CNTN4: variants seen among roughly 807,000 people sequenced by gnomAD.
The protein encoded by CNTN4 is contactin-4.
In CNTN4, 77 loss-of-function variants were observed where a neutral mutation model predicts 122.5. That is an observed-to-expected ratio of 0.63 (90% CI 0.52 to 0.76). The LOEUF (loss-of-function observed/expected upper bound fraction) is 0.76, where lower values mean the gene tolerates loss of function less well. CNTN4 is among the 30% of genes least tolerant of loss of function. CNTN4 has a pLI of 0.00. For synonymous variants in CNTN4, 512 were observed against 447.0 expected (o/e 1.15, Z -1.83); for missense variants, 1,256 against 1,259.1 (o/e 1.00, Z 0.04).
Position 2,952,048 on chromosome 3 carries a change from A to G in CNTN4, c.1358+26269A>G, listed in dbSNP as rs114556723. Among the ~76,000 whole-genome samples, 495 of 152,348 alleles carry G rather than the reference A, an allele frequency of 3.2e-3. 6 individuals are homozygous for G. The highest frequency in any genetic ancestry group is 0.011 in the African/African-American group (466 of 41,582). ...TCAGTAAACACAGAGAGGCCATTCT[A>G]CTACCCCTGGCCTGAGGCCCCAAAT... On this transcript the variant is annotated intron_variant, in intron 13 of 24. Coordinates refer to ENST00000418658, the MANE Select transcript of CNTN4 (RefSeq NM_175607.3).
At chr3:2,169,971 CATG>C (rs1482210241) in intron 2 of CNTN4, among the ~76,000 whole-genome samples, 1 of 152,030 alleles carries the variant, frequency 6.6e-6, no homozygotes, top group Non-Finnish European at 1.5e-5. Flanking sequence ...GAGTTCACTA[CATG>C]ATGAGAGATA....
chr3:2,676,890 C>G (rs914379728), intron 4 of CNTN4, among the ~76,000 whole-genome samples: 1 of 152,114 alleles, frequency 6.6e-6, no homozygotes, highest in Non-Finnish European at 1.5e-5. Context: ...TTAAGTAGTA[C>G]TTGGTGTTTG....
chr3:2,165,500 C>T (rs764722788), intron 2 of CNTN4, among the ~76,000 whole-genome samples: 8 of 150,330 alleles, frequency 5.3e-5, no homozygotes, highest in Admixed American at 6.9e-5. Flanking sequence ...ATCTTCATCA[C>T]CTCACATAGT....
intron 13 of CNTN4, among the ~76,000 whole-genome samples, chr3:2,949,056 T>TGCTA (rs1174845255): frequency 6.6e-6 from 1 of 152,138 alleles, no homozygotes; most frequent in East Asian, 1.9e-4. Flanking sequence ...CCATATCTGC[T>TGCTA]GCTAGCTAGC....
chr3:2,857,670 T>G (rs1183795246), intron 7 of CNTN4, among the ~76,000 whole-genome samples: 1 of 152,192 alleles, frequency 6.6e-6, no homozygotes, highest in African/African-American at 2.4e-5. Context: ...CTTGACCTCC[T>G]GGGCGCAAGC....
chr3:2,470,219 G>T (rs1418984962), intron 3 of CNTN4, among the ~76,000 whole-genome samples: 2 of 152,050 alleles, frequency 1.3e-5, no homozygotes, highest in Admixed American at 1.3e-4. Context: ...TGAGATTACA[G>T]GCACATGCCA....
chr3:2,568,787 G>T (rs939484145), intron 3 of CNTN4, among the ~76,000 whole-genome samples: 1 of 152,092 alleles, frequency 6.6e-6, no homozygotes, highest in African/African-American at 2.4e-5. Context: ...AATGCCAATA[G>T]GATTCGTGAA....
At chr3:2,303,922 G>T (rs747521962) in intron 2 of CNTN4, among the ~76,000 whole-genome samples, 2 of 152,100 alleles carry the variant, frequency 1.3e-5, no homozygotes, top group African/African-American at 2.4e-5. Flanking sequence ...CTGTGTAAAC[G>T]GTATATTTTG....
intron 6 of CNTN4, among the ~76,000 whole-genome samples, chr3:2,747,479 T>TA (rs66741843): frequency 0.036 from 5,376 of 149,404 alleles, 128 homozygotes; most frequent in South Asian, 0.055. Context: ...AGCTTACATT[T>TA]AAAAAAAAAA....
chr3:2,671,943 A>G (rs1451217457), intron 4 of CNTN4, among the ~76,000 whole-genome samples: 1 of 141,092 alleles, frequency 7.1e-6, no homozygotes, highest in Admixed American at 6.8e-5. Context: ...ATTGCTGAAC[A>G]GCAAATGTTG....
chr3:2,836,542 G>T (rs973286492), intron 7 of CNTN4, among the ~76,000 whole-genome samples: 1 of 151,850 alleles, frequency 6.6e-6, no homozygotes, highest in African/African-American at 2.4e-5. Flanking sequence ...CCCATTTTAT[G>T]GATGAGAAAA....
In CNTN4 at chr3:2,488,843, A is replaced by C. The variant is rs553250536; in HGVS notation, c.-88-82573A>C. Among the ~76,000 whole-genome samples the C allele has an allele frequency of 4.6e-5, 7 of 152,316 alleles. No homozygotes were observed. The East Asian group carries it at 1.4e-3, about 29-fold the overall frequency. ...GTACATTAACATTCCCTTTAATTGAAATGAATGCTTACAAGTGTGAAAAGC... is the reference window on the plus strand; with the variant it reads ...GTACATTAACATTCCCTTTAATTGACATGAATGCTTACAAGTGTGAAAAGC... On this transcript the variant is annotated intron_variant, in intron 3 of 24. Coordinates refer to ENST00000418658, the MANE Select transcript of CNTN4 (RefSeq NM_175607.3).
intron 13 of CNTN4, among the ~76,000 whole-genome samples, chr3:2,973,857 A>T (rs1213314502): frequency 6.6e-6 from 1 of 151,064 alleles, no homozygotes; most frequent in Non-Finnish European, 1.5e-5. Flanking sequence ...CGATTTGCCC[A>T]ACACAGTTTA....
intron 13 of CNTN4, among the ~76,000 whole-genome samples, chr3:2,950,987 G>C (rs781106640): frequency 1.3e-5 from 2 of 152,172 alleles, no homozygotes; most frequent in Non-Finnish European, 2.9e-5. Flanking sequence ...GAATTCACTA[G>C]CTGTATCACT....
At chr3:2,420,441 T>TC (rs1186523408) in intron 3 of CNTN4, among the ~76,000 whole-genome samples, 1 of 152,014 alleles carries the variant, frequency 6.6e-6, no homozygotes, top group Admixed American at 6.6e-5. Flanking sequence ...AAATTCTTTT[T>TC]TTTTTTTCCT....
At chr3:2,914,610 CT>C (rs985394386) in intron 12 of CNTN4, among the ~76,000 whole-genome samples, 10 of 152,304 alleles carry the variant, frequency 6.6e-5, no homozygotes, top group African/African-American at 2.4e-4. Flanking sequence ...TGTGAATAGA[CT>C]TAGAACTAGC....
chr3:2,235,972 T>G (rs1321008689), intron 2 of CNTN4, among the ~76,000 whole-genome samples: 3 of 152,056 alleles, frequency 2.0e-5, no homozygotes, highest in African/African-American at 7.2e-5. Context: ...AGTAGAAATG[T>G]TATTATAGGA....
chr3:2,958,392 AT>A (rs1351754180), intron 13 of CNTN4, among the ~76,000 whole-genome samples: 1 of 152,160 alleles, frequency 6.6e-6, no homozygotes, highest in Non-Finnish European at 1.5e-5. Flanking sequence ...TGAGGCCTAG[AT>A]ATTGGACCAT....
At chr3:2,242,843 T>C (rs754586131) in intron 2 of CNTN4, among the ~76,000 whole-genome samples, 2 of 152,138 alleles carry the variant, frequency 1.3e-5, no homozygotes, top group Non-Finnish European at 2.9e-5. Flanking sequence ...ATCTTGAGAG[T>C]TGACGAACTT....
Sources: gnomAD v4.1 joint callset for allele counts (sites outside exome capture counted in the v4.1 genomes callset) on GRCh38, gnomAD v4.1.1 for gene constraint, MANE v1.5 for transcripts, NCBI Gene and HGNC (gene_info 2026-07-23, HGNC 2026-07-21) for gene names.